The following NRXN3 variants were observed in gnomAD, a reference collection of about 807,000 sequenced individuals.
The protein encoded by NRXN3 is neurexin 3, also known as neurexin III.
NRXN3 carries 32 observed loss-of-function variants against 137.6 expected under a neutral mutation model. That is an observed-to-expected ratio of 0.23 (90% confidence interval 0.18 to 0.31). The LOEUF (loss-of-function observed/expected upper bound fraction) is 0.31. Among genes scored for constraint, NRXN3 ranks in the 10% least tolerant of loss-of-function variants. The pLI, the probability that NRXN3 is intolerant of heterozygous loss-of-function variation, is 1.00. For synonymous variants in NRXN3, 798 were observed against 784.5 expected, an observed-to-expected ratio of 1.02 and a Z score of -0.29; for missense variants, 1,574 against 2,062.5, an observed-to-expected ratio of 0.76 and a Z score of 4.59.
At chr14:78,869,252 AT>A (rs1456094275) in intron 10 of NRXN3, among the ~76,000 whole-genome samples, 2 of 152,048 alleles carry the variant, frequency 1.3e-5, no homozygotes, top group Non-Finnish European at 2.9e-5. Context: ...ACCTTTAACC[AT>A]TTCTCTTCTT....
At chr14:79,641,322 G>A (rs563379708) in intron 16 of NRXN3, among the ~76,000 whole-genome samples, 1 of 135,446 alleles carries the variant, frequency 7.4e-6, no homozygotes, top group African/African-American at 2.5e-5. Flanking sequence ...CTTTACTATA[G>A]AGTAAAAGTT....
At chr14:78,907,324 G>T (rs1044887952) in intron 10 of NRXN3, among the ~76,000 whole-genome samples, 2 of 151,990 alleles carry the variant, frequency 1.3e-5, no homozygotes, top group African/African-American at 2.4e-5. Context: ...AAACAAATTT[G>T]ACTTTAGGTC....
intron 15 of NRXN3, among the ~76,000 whole-genome samples, chr14:79,211,351 C>T (rs1331781616): frequency 6.6e-6 from 1 of 152,154 alleles, no homozygotes; most frequent in African/African-American, 2.4e-5. Context: ...AATGAAAATA[C>T]TTCCTTGCTT....
Position 78,655,402 on chromosome 14 carries a change from A to G in NRXN3, c.1221+4076A>G, listed in dbSNP as rs1339186206. 3.3e-5 allele frequency among the ~76,000 whole-genome samples: 5 copies of G among 152,306 alleles called. No individual in the cohort carries two copies. In the East Asian group the frequency reaches 9.6e-4, roughly 29 times the overall value. ...ATCCATTAACACATGGAATCTCTAT[A>G]TTTCTCATATTAGCAAATCATTGTC... is the stretch of plus-strand genomic sequence containing the variant. On this transcript the variant is annotated intron_variant, in intron 6 of 20. Coordinates refer to ENST00000335750, the MANE Select transcript of NRXN3 (RefSeq NM_001330195.2).
chr14:78,542,557 T>C (rs2096600782), intron 4 of NRXN3, among the ~76,000 whole-genome samples: 1 of 152,212 alleles, frequency 6.6e-6, no homozygotes, highest in Non-Finnish European at 1.5e-5. Flanking sequence ...GTGCAGTATT[T>C]GGGCGGGAGT....
chr14:78,545,495 G>C (rs2096629173), intron 4 of NRXN3, among the ~76,000 whole-genome samples: 1 of 151,752 alleles, frequency 6.6e-6, no homozygotes, highest in Non-Finnish European at 1.5e-5. Context: ...ATAAATCCTG[G>C]CACATTTTTC....
intron 10 of NRXN3, among the ~76,000 whole-genome samples, chr14:78,868,687 G>A (rs918030153): frequency 6.6e-6 from 1 of 151,898 alleles, no homozygotes; most frequent in African/African-American, 2.4e-5. Context: ...CAGGCATGTT[G>A]GTGCATGCCT....
chr14:79,601,391 A>G (rs1026715086), intron 16 of NRXN3, among the ~76,000 whole-genome samples: 2 of 152,046 alleles, frequency 1.3e-5, no homozygotes, highest in Admixed American at 6.5e-5. Context: ...TATCTATATG[A>G]GAAAGACAAA....
intron 8 of NRXN3, among the ~76,000 whole-genome samples, chr14:78,736,817 T>A (rs2098543137): frequency 6.6e-6 from 1 of 152,150 alleles, no homozygotes; most frequent in Non-Finnish European, 1.5e-5. Context: ...AAAATATATG[T>A]AGCTTATTAG....
intron 2 of NRXN3, among the ~76,000 whole-genome samples, chr14:78,246,556 A>C (rs1054648349): frequency 6.6e-6 from 1 of 152,160 alleles, no homozygotes; most frequent in African/African-American, 2.4e-5. Flanking sequence ...TTGAGGTGAG[A>C]GAGGATGTTG....
intron 1 of NRXN3, among the ~76,000 whole-genome samples, chr14:78,215,628 A>T (rs2063175264): frequency 6.6e-6 from 1 of 152,114 alleles, no homozygotes; most frequent in East Asian, 1.9e-4. Context: ...TTATAAAGAG[A>T]AGAAAAATTC....
intron 10 of NRXN3, among the ~76,000 whole-genome samples, chr14:78,815,075 G>C (rs1199459274): frequency 6.6e-6 from 1 of 152,108 alleles, no homozygotes; most frequent in Non-Finnish European, 1.5e-5. Flanking sequence ...TATGTGGCAT[G>C]GAAATTGTGA....
At chr14:79,308,890 A>ATT (rs563424253) in intron 15 of NRXN3, among the ~76,000 whole-genome samples, 1 of 71,674 alleles carries the variant, frequency 1.4e-5, no homozygotes, top group South Asian at 4.0e-4. Flanking sequence ...ATTTTATTTT[A>ATT]TTTTTTTTTA....
chr14:79,331,787 G>T (rs922181954), intron 15 of NRXN3, among the ~76,000 whole-genome samples: 3 of 151,758 alleles, frequency 2.0e-5, no homozygotes, highest in African/African-American at 7.3e-5. Context: ...GCACCCCTCT[G>T]CTCAAAGTGT....
rs528087014 is a variant in NRXN3, at chr14:79,019,269, C to T, written c.3262+31128C>T. Among the ~76,000 whole-genome samples, 3 of 152,254 alleles carry T rather than the reference C, an allele frequency of 2.0e-5. No homozygotes were observed. In the East Asian group the frequency reaches 5.8e-4, roughly 29 times the overall value. On this transcript the variant is annotated intron_variant, in intron 15 of 20. Transcript: ENST00000335750. The stretch of plus-strand genomic sequence containing the variant: ...TGCATAGAAGATGCCTATTCCAACA[C>T]CTGGTGCTTATTGAGGGCTCCATTA...
intron 10 of NRXN3, among the ~76,000 whole-genome samples, chr14:78,942,416 T>G (rs2099354879): frequency 6.6e-6 from 1 of 152,172 alleles, no homozygotes; most frequent in Non-Finnish European, 1.5e-5. Context: ...CTGGAGCCCA[T>G]ATGTCAGACA....
At chr14:78,784,551 A>G (rs1293823380) in intron 8 of NRXN3, among the ~76,000 whole-genome samples, 1 of 152,214 alleles carries the variant, frequency 6.6e-6, no homozygotes, top group Admixed American at 6.5e-5. Flanking sequence ...TTAGCAAGGA[A>G]AGAAATCACG....
chr14:78,551,292 A>AT (rs377622557), intron 4 of NRXN3, among the ~76,000 whole-genome samples: 23 of 149,028 alleles, frequency 1.5e-4, no homozygotes, highest in East Asian at 3.9e-4. Flanking sequence ...CAGTACAAGC[A>AT]TTTTTTTTTT....
intron 16 of NRXN3, among the ~76,000 whole-genome samples, chr14:79,484,714 A>G (rs547188716): frequency 4.6e-5 from 7 of 152,330 alleles, no homozygotes; most frequent in East Asian, 1.9e-4. Flanking sequence ...TATTATATGT[A>G]AACAGCACTC....
Sources: allele counts gnomAD v4.1 joint callset (sites outside exome capture counted in the v4.1 genomes callset), GRCh38; gene constraint gnomAD v4.1.1; transcripts MANE v1.5; gene names NCBI Gene and HGNC (gene_info 2026-07-23, HGNC 2026-07-21).